Variants in CCDC178 observed in about 807,000 individuals in gnomAD.
CCDC178 encodes coiled-coil domain containing 178.
In CCDC178, 126 loss-of-function variants were observed where a neutral mutation model predicts 117.4. The observed-to-expected ratio is 1.07, with a 90% confidence interval of 0.93 to 1.24. The LOEUF (loss-of-function observed/expected upper bound fraction) is 1.24. Among genes scored for constraint, CCDC178 ranks in the 50% most tolerant of loss-of-function variants. The pLI is 0.00. For synonymous variants in CCDC178, 283 were observed against 313.4 expected (o/e 0.90, Z 1.02); for missense variants, 1,030 against 986.9 (o/e 1.04, Z -0.59).
intron 21 of CCDC178, among the ~76,000 whole-genome samples, chr18:33,040,925 G>A (rs1253233631): frequency 6.6e-6 from 1 of 151,742 alleles, no homozygotes; most frequent in African/African-American, 2.4e-5. Flanking sequence ...GTAGGTCTAA[G>A]GCTAAAATGA....
chr18:33,292,462 T>TA (rs1252107258), intron 12 of CCDC178, among the ~76,000 whole-genome samples: 4 of 152,066 alleles, frequency 2.6e-5, no homozygotes, highest in African/African-American at 9.7e-5. Context: ...GGATAAGAGA[T>TA]AAAAAATTAT....
intron 20 of CCDC178, among the ~76,000 whole-genome samples, chr18:33,129,778 A>G (rs2058049150): frequency 6.6e-6 from 1 of 152,050 alleles, no homozygotes; most frequent in African/African-American, 2.4e-5. Flanking sequence ...TACAATTTTA[A>G]CAGATCAGAC....
chr18:33,042,751 C>CA (rs139715605), intron 21 of CCDC178, among the ~76,000 whole-genome samples: 2,826 of 151,902 alleles, frequency 0.019, 92 homozygotes, highest in African/African-American at 0.064. Context: ...AATGGTTCAG[C>CA]AAAAACTAGC....
intron 2 of CCDC178, among the ~76,000 whole-genome samples, chr18:33,438,522 CACACACACACACACACGGCAA>C (rs1025863607): frequency 8.7e-5 from 13 of 149,510 alleles, no homozygotes; most frequent in African/African-American, 2.5e-4. Flanking sequence ...ACGGCATACA[CACACACACACACACACGGCAA>C]ACACACACAC....
chr18:33,398,804 T>C (rs2063673193), intron 3 of CCDC178, among the ~76,000 whole-genome samples: 1 of 152,204 alleles, frequency 6.6e-6, no homozygotes, highest in African/African-American at 2.4e-5. Context: ...TCCAAAAGCA[T>C]ATAAAAGTTA....
intron 20 of CCDC178, among the ~76,000 whole-genome samples, chr18:33,093,481 G>C (rs1046021655): frequency 1.3e-5 from 2 of 152,186 alleles, no homozygotes; most frequent in East Asian, 1.9e-4. Flanking sequence ...ATATATTTTA[G>C]TTATGTTTAA....
At chr18:33,356,744 T>C (rs1009478705) in intron 6 of CCDC178, among the ~76,000 whole-genome samples, 1 of 152,172 alleles carries the variant, frequency 6.6e-6, no homozygotes, top group African/African-American at 2.4e-5. Flanking sequence ...CTGATTCTGA[T>C]ATAGCATCAC....
chr18:33,220,350 C>T (rs1016533323), intron 18 of CCDC178, among the ~76,000 whole-genome samples: 5 of 152,008 alleles, frequency 3.3e-5, no homozygotes, highest in Admixed American at 6.6e-5. Context: ...AATAGAAAAT[C>T]CAGAATAGTC....
chr18:33,115,765 C>T (rs2057849198), intron 20 of CCDC178, among the ~76,000 whole-genome samples: 1 of 152,012 alleles, frequency 6.6e-6, no homozygotes, highest in Admixed American at 6.6e-5. Context: ...TGTGCTCCTG[C>T]ACATTCTGAG....
At chr18:33,328,096 T>G (rs779139574) in intron 10 of CCDC178, 2,929 of 149,398 alleles carry the variant, frequency 0.02, 38 homozygotes, top group Middle Eastern at 0.056. Flanking sequence ...TTTTTTTTTT[T>G]TTTTTTTTTT....
chr18:33,252,734 C>G (rs2059631644), intron 14 of CCDC178, among the ~76,000 whole-genome samples: 1 of 151,754 alleles, frequency 6.6e-6, no homozygotes, highest in African/African-American at 2.4e-5. Flanking sequence ...AAACAAACTT[C>G]ATAAAATATG....
chr18:33,057,901 T>C (rs1219976628), intron 21 of CCDC178, among the ~76,000 whole-genome samples: 1 of 152,182 alleles, frequency 6.6e-6, no homozygotes, highest in Non-Finnish European at 1.5e-5. Flanking sequence ...TTACAAATAA[T>C]TGTTTGTCAA....
At chr18:33,033,078 C>T (rs760128685) in intron 21 of CCDC178, among the ~76,000 whole-genome samples, 15 of 152,054 alleles carry the variant, frequency 9.9e-5, no homozygotes, top group Admixed American at 2.6e-4. Flanking sequence ...CTAAAGAAGT[C>T]CCATCACTGC....
chr18:33,352,206 T>C (rs2062987871), intron 7 of CCDC178, among the ~76,000 whole-genome samples: 1 of 152,180 alleles, frequency 6.6e-6, no homozygotes, highest in South Asian at 2.1e-4. Context: ...AGTTTGTTGA[T>C]ACCCATTTGT....
chr18:32,988,600 TA>T (rs1027445532), intron 21 of CCDC178, among the ~76,000 whole-genome samples: 46 of 151,892 alleles, frequency 3.0e-4, no homozygotes, highest in African/African-American at 1.0e-3. Flanking sequence ...CATCCAAATT[TA>T]AAAAAATATA....
chr18:33,363,966 T>C (rs2063164621), intron 6 of CCDC178, among the ~76,000 whole-genome samples: 1 of 152,128 alleles, frequency 6.6e-6, no homozygotes, highest in South Asian at 2.1e-4. Context: ...GGATTGACTA[T>C]GTGCTTTGCT....
At chr18:33,402,984 G>T (rs1211796509) in intron 3 of CCDC178, among the ~76,000 whole-genome samples, 3 of 152,208 alleles carry the variant, frequency 2.0e-5, no homozygotes, top group Admixed American at 6.5e-5. Flanking sequence ...TTACTGTGAT[G>T]CACAATTCTA....
intron 21 of CCDC178, among the ~76,000 whole-genome samples, chr18:33,016,286 T>C (rs1379746987): frequency 6.6e-6 from 1 of 151,988 alleles, no homozygotes; most frequent in Non-Finnish European, 1.5e-5. Flanking sequence ...CTTTCAAAAA[T>C]GAAGGAGAAG....
chr18:33,104,974 C>A (rs2057685200), intron 20 of CCDC178, among the ~76,000 whole-genome samples: 1 of 151,488 alleles, frequency 6.6e-6, no homozygotes, highest in South Asian at 2.1e-4. Flanking sequence ...TTTATATGCA[C>A]AAATACACAA....
Sources: allele counts gnomAD v4.1 joint callset (sites outside exome capture counted in the v4.1 genomes callset), GRCh38; gene constraint gnomAD v4.1.1; transcripts MANE v1.5; gene names NCBI Gene and HGNC (gene_info 2026-07-23, HGNC 2026-07-21).